The following CNTNAP2 variants were observed in gnomAD, a reference collection of about 807,000 sequenced individuals.
The protein encoded by CNTNAP2 is contactin associated protein 2, also known as contactin-associated protein-like 2.
In CNTNAP2, 98 loss-of-function variants were observed where a neutral mutation model predicts 155.2. That is an observed-to-expected ratio of 0.63 (90% confidence interval 0.54 to 0.75). CNTNAP2 has a LOEUF of 0.75. Among genes scored for constraint, CNTNAP2 ranks in the 30% least tolerant of loss-of-function variants. The probability of loss-of-function intolerance (pLI) is 0.00; values close to 1 mark genes in which losing one functional copy is unlikely to be tolerated. For missense variants in CNTNAP2, 1,727 were observed against 1,688.1 expected, an observed-to-expected ratio of 1.02 and a Z score of -0.40; for synonymous variants, 651 against 631.2, an observed-to-expected ratio of 1.03 and a Z score of -0.47.
At chr7:146,854,450 T>C (rs1378196802) in intron 3 of CNTNAP2, among the ~76,000 whole-genome samples, 1 of 152,166 alleles carries the variant, frequency 6.6e-6, no homozygotes, top group Non-Finnish European at 1.5e-5. Flanking sequence ...ACACCTCTGA[T>C]GGAAGAGGAA....
chr7:146,195,931 A>G (rs1311343358), intron 1 of CNTNAP2, among the ~76,000 whole-genome samples: 1 of 152,234 alleles, frequency 6.6e-6, no homozygotes, highest in Admixed American at 6.5e-5. Flanking sequence ...CACTTCCATC[A>G]TGATGGTGTG....
At chr7:148,247,952 C>T (rs1796302274) in intron 20 of CNTNAP2, among the ~76,000 whole-genome samples, 1 of 152,038 alleles carries the variant, frequency 6.6e-6, no homozygotes, top group Non-Finnish European at 1.5e-5. Context: ...CCATGCTCAG[C>T]CTCTTTCTTC....
At chr7:147,589,514 T>C (rs1800698946) in intron 12 of CNTNAP2, among the ~76,000 whole-genome samples, 1 of 152,132 alleles carries the variant, frequency 6.6e-6, no homozygotes, top group Non-Finnish European at 1.5e-5. Flanking sequence ...GCAACCTGAA[T>C]CCTGCATTTT....
chr7:146,498,115 T>A (rs1473873848), intron 1 of CNTNAP2, among the ~76,000 whole-genome samples: 4 of 152,034 alleles, frequency 2.6e-5, no homozygotes, highest in Non-Finnish European at 4.4e-5. Flanking sequence ...AAGCAGGAAA[T>A]ACATCTGGAG....
chr7:146,181,662 A>G lies in CNTNAP2; in HGVS notation c.97+64689A>G, dbSNP rs549247837. On this transcript the variant is annotated intron_variant, in intron 1 of 23. Transcript: ENST00000361727. The stretch of plus-strand genomic sequence containing the variant: ...AACATTCAAAATAAGTATTATATGG[A>G]ATTTTGCTGTAGTTTTATGCTTACT... 9.2e-5 allele frequency among the ~76,000 whole-genome samples: 14 copies of G among 152,202 alleles called. No individual in the cohort carries two copies. The South Asian group carries it at 1.7e-3, about 18-fold the overall frequency.
chr7:146,375,620 A>C (rs557576991), intron 1 of CNTNAP2, among the ~76,000 whole-genome samples: 113 of 152,348 alleles, frequency 7.4e-4, no homozygotes, highest in African/African-American at 2.3e-3. Context: ...ATAGTTTCTT[A>C]TGGCAAATTT....
intron 13 of CNTNAP2, among the ~76,000 whole-genome samples, chr7:147,709,291 G>C (rs1796367747): frequency 6.6e-6 from 1 of 152,118 alleles, no homozygotes; most frequent in African/African-American, 2.4e-5. Flanking sequence ...TCTGCACTGA[G>C]ATCTGTCAGC....
Position 146,967,919 on chromosome 7 carries a change from G to C in CNTNAP2, c.403-75988G>C, listed in dbSNP as rs1220100797. On this transcript the variant is annotated intron_variant, in intron 3 of 23. Coordinates refer to ENST00000361727, the MANE Select transcript of CNTNAP2 (RefSeq NM_014141.6). ...CAAAGGGAGTGCTTCCAGTTTTTGC[G>C]CATTCAGTATGATATTGGCTGTGGG... Among the ~76,000 whole-genome samples the C allele has an allele frequency of 9.9e-4, 148 of 149,916 alleles. 1 individual carries two copies. The highest frequency in any genetic ancestry group is 8.6e-3 in the South Asian group (41 of 4,742).
intron 8 of CNTNAP2, among the ~76,000 whole-genome samples, chr7:147,141,761 C>T (rs1223813699): frequency 3.3e-5 from 5 of 152,116 alleles, no homozygotes. Context: ...TTGTTGAAGG[C>T]AGAACCTGAC....
At chr7:146,204,653 C>A (rs537541622) in intron 1 of CNTNAP2, among the ~76,000 whole-genome samples, 116 of 151,992 alleles carry the variant, frequency 7.6e-4, no homozygotes, top group African/African-American at 2.7e-3. Context: ...ATAGTAAATA[C>A]TTTTCAAATG....
chr7:146,761,734 C>G (rs1419456358), intron 1 of CNTNAP2, among the ~76,000 whole-genome samples: 1 of 151,946 alleles, frequency 6.6e-6, no homozygotes, highest in Non-Finnish European at 1.5e-5. Flanking sequence ...TCCCTTTGTT[C>G]ACTCCTTTCA....
chr7:147,300,591 C>T (rs959852955), intron 9 of CNTNAP2, among the ~76,000 whole-genome samples: 8 of 152,180 alleles, frequency 5.3e-5, no homozygotes, highest in Non-Finnish European at 1.2e-4. Context: ...GGAATATTTG[C>T]TGTTCACCTA....
chr7:148,226,465 C>T (rs1249374851), intron 19 of CNTNAP2, among the ~76,000 whole-genome samples: 1 of 151,980 alleles, frequency 6.6e-6, no homozygotes, highest in Non-Finnish European at 1.5e-5. Context: ...CAGCTGGCAC[C>T]AAGGAACGAC....
chr7:147,586,553 G>C (rs1357602219), intron 12 of CNTNAP2, among the ~76,000 whole-genome samples: 2 of 101,830 alleles, frequency 2.0e-5, no homozygotes, highest in Non-Finnish European at 4.3e-5. Flanking sequence ...AAGGGAGGGA[G>C]GGAGGGAGGG....
intron 1 of CNTNAP2, among the ~76,000 whole-genome samples, chr7:146,214,251 TA>T (rs1186108320): frequency 5.3e-5 from 8 of 152,190 alleles, no homozygotes; most frequent in African/African-American, 1.9e-4. Flanking sequence ...TAAGATCATG[TA>T]AATGCTCTTT....
intron 1 of CNTNAP2, among the ~76,000 whole-genome samples, chr7:146,621,209 A>G (rs1240524856): frequency 1.3e-5 from 2 of 152,200 alleles, no homozygotes; most frequent in East Asian, 3.8e-4. Context: ...TTATTTTAGA[A>G]TACATTTAGA....
chr7:146,248,534 G>T (rs1302815257), intron 1 of CNTNAP2, among the ~76,000 whole-genome samples: 1 of 152,112 alleles, frequency 6.6e-6, no homozygotes, highest in Admixed American at 6.5e-5. Context: ...TGTCTCCTTT[G>T]TCTCTACCAG....
chr7:147,062,167 A>AAAAAAC (rs1563062236), intron 4 of CNTNAP2, among the ~76,000 whole-genome samples: 5 of 139,266 alleles, frequency 3.6e-5, no homozygotes, highest in African/African-American at 1.3e-4. Flanking sequence ...AAAAAAAAAA[A>AAAAAAC]AAACCAGTTC....
chr7:148,014,276 T>TAAAAAAAA (rs200736202), intron 15 of CNTNAP2: 1 of 118,698 alleles, frequency 8.4e-6, no homozygotes. Context: ...CAAGTAAACA[T>TAAAAAAAA]AAAAAAAAAA....
Sources: gnomAD v4.1 joint callset for allele counts (sites outside exome capture counted in the v4.1 genomes callset) on GRCh38, gnomAD v4.1.1 for gene constraint, MANE v1.5 for transcripts, NCBI Gene and HGNC (gene_info 2026-07-23, HGNC 2026-07-21) for gene names.